PRUNE2: variants seen among roughly 807,000 people sequenced by gnomAD.
PRUNE2 encodes the protein prune homolog 2 with BCH domain, also known as protein prune homolog 2.
Under a neutral mutation model 252.0 loss-of-function variants are expected in PRUNE2, and 164 were observed. The observed-to-expected ratio is 0.65, with a 90% CI of 0.57 to 0.74. The LOEUF is 0.74. PRUNE2 is among the 30% of genes least tolerant of loss of function. The pLI is 0.00. For missense variants in PRUNE2, 3,495 were observed against 3,711.0 expected, an observed-to-expected ratio of 0.94 and a Z score of 1.51; for synonymous variants, 1,292 against 1,350.2, an observed-to-expected ratio of 0.96 and a Z score of 0.94.
Position 76,866,927 on chromosome 9 carries a change from C to A in PRUNE2, c.37-12719G>T, listed in dbSNP as rs11145108. 3.9e-5 allele frequency among the ~76,000 whole-genome samples: 6 copies of A among 152,184 alleles called. No homozygotes were observed. The East Asian group carries it at 7.7e-4, about 20-fold the overall frequency. ...CCCGGTGCTGTGAACAGCCCAGGCCCCTGTGTGCACATTCTTGACAACGGG... is the reference window on the plus strand; with the variant it reads ...CCCGGTGCTGTGAACAGCCCAGGCCACTGTGTGCACATTCTTGACAACGGG... On this transcript the variant is annotated intron_variant, in intron 1 of 18. Transcript: ENST00000376718.
At chr9:76,879,901 ATATTTTTTTTTTTTT>A (rs1399234496) in intron 1 of PRUNE2, among the ~76,000 whole-genome samples, 1 of 60,328 alleles carries the variant, frequency 1.7e-5, no homozygotes, top group Non-Finnish European at 2.7e-5. Flanking sequence ...ATATATATAT[ATATTTTTTTTTTTTT>A]TTTTTTTTTT....
chr9:76,637,508 T>C lies in PRUNE2; in HGVS notation c.8873A>G (p.Tyr2958Cys), dbSNP rs1400934512. ...TGCACCATTCAAGTACACAATCATATAGTCTTCAGCTACCATCAACTCTAA... is the reference window on the plus strand; with the variant it reads ...TGCACCATTCAAGTACACAATCATACAGTCTTCAGCTACCATCAACTCTAA... ...STLELMVAED[Y>C]MIVYLNGATP... Residue 2958 changes from tyrosine (Y) to cysteine (C), a missense_variant, in exon 14 of 19, where the codon TAT becomes TGT. Coordinates refer to ENST00000376718, the MANE Select transcript of PRUNE2 (RefSeq NM_015225.3). 1 of 1,613,274 alleles carries C rather than the reference T, an allele frequency of 6.2e-7. No homozygotes were observed. Among genetic ancestry groups the C allele is most frequent in the Non-Finnish European group, 8.5e-7 (1 of 1,179,542 alleles).
At chr9:76,772,339 A>T (rs2053200974) in intron 6 of PRUNE2, among the ~76,000 whole-genome samples, 1 of 151,772 alleles carries the variant, frequency 6.6e-6, no homozygotes, top group Admixed American at 6.6e-5. Context: ...ATTTATTTTA[A>T]TTTTTTTTTT....
chr9:76,869,506 C>G lies in PRUNE2; in HGVS notation c.37-15298G>C, dbSNP rs191803161. Among the ~76,000 whole-genome samples, 87 of 151,898 alleles carry G rather than the reference C, an allele frequency of 5.7e-4. 1 individual carries two copies. The highest frequency in any genetic ancestry group is 2.8e-3 in the Admixed American group (42 of 15,266). ...CAAAATATTTTGCAAAATAGAAAACCCTTTTAAAACTAAACAGTATCTGGT... is the reference window on the plus strand; with the variant it reads ...CAAAATATTTTGCAAAATAGAAAACGCTTTTAAAACTAAACAGTATCTGGT... On this transcript the variant is annotated intron_variant, in intron 1 of 18. Transcript: ENST00000376718.
intron 1 of PRUNE2, among the ~76,000 whole-genome samples, chr9:76,880,326 G>C (rs2061705478): frequency 6.6e-6 from 1 of 152,128 alleles, no homozygotes; most frequent in African/African-American, 2.4e-5. Context: ...GACCGCAGGG[G>C]GGTCCCTGGG....
chr9:76,901,739 C>T (rs2133742824), intron 1 of PRUNE2, among the ~76,000 whole-genome samples: 1 of 152,312 alleles, frequency 6.6e-6, no homozygotes, highest in Middle Eastern at 3.4e-3. Flanking sequence ...ATTCAAGTCA[C>T]CTAGAATTTT....
chr9:76,749,227 C>T (rs1257584324), intron 6 of PRUNE2, among the ~76,000 whole-genome samples: 1 of 152,192 alleles, frequency 6.6e-6, no homozygotes, highest in South Asian at 2.1e-4. Context: ...TCAGCTGGTA[C>T]AAAGACCTCA....
intron 11 of PRUNE2, among the ~76,000 whole-genome samples, chr9:76,648,502 T>C (rs1315779814): frequency 1.3e-5 from 2 of 152,178 alleles, no homozygotes; most frequent in African/African-American, 4.8e-5. Flanking sequence ...GAAATGATCT[T>C]TCAAGCCATG....
At position 76,706,022 on chromosome 9, in the gene PRUNE2, A is replaced by G; in HGVS notation, c.6252T>C (p.Gly2084=). The change falls in exon 8 of 19, where the codon GGT becomes GGC. Residue 2084 remains glycine, a synonymous_variant. Transcript: ENST00000376718. The stretch of plus-strand genomic sequence containing the variant: ...AGTGCGTCAGGATATCAGGATTCTC[A>G]CCATCTGCTTTCAAACTGAAGGGCT... ...AKKPFSLKAD[G]ENPDILTHCE... is the part of the protein sequence containing the mutation. 6.2e-7 allele frequency: 1 copy of G among 1,614,026 alleles called. No individual in the cohort carries two copies. The highest frequency in any genetic ancestry group is 1.7e-5 in the Admixed American group (1 of 60,024).
intron 6 of PRUNE2, chr9:76,786,278 G>A (rs918710731): frequency 1.4e-4 from 21 of 152,080 alleles, no homozygotes; most frequent in Admixed American, 6.6e-4. Context: ...ATGCTCATAG[G>A]AGAGAATATA....
At chr9:76,687,656 TAGG>T in intron 9 of PRUNE2, 1 of 423,534 alleles carries the variant, frequency 2.4e-6, no homozygotes, top group Non-Finnish European at 4.8e-6. Flanking sequence ...TTCATTCCGG[TAGG>T]AGTTCAACAA....
chr9:76,628,160 A>AT (rs1835773424), intron 16 of PRUNE2, among the ~76,000 whole-genome samples: 3 of 152,112 alleles, frequency 2.0e-5, no homozygotes, highest in African/African-American at 7.2e-5. Flanking sequence ...ACAAAAAAAA[A>AT]GACACACAGA....
intron 6 of PRUNE2, among the ~76,000 whole-genome samples, chr9:76,780,969 C>T (rs1016955490): frequency 3.3e-5 from 5 of 152,172 alleles, no homozygotes; most frequent in East Asian, 1.9e-4. Flanking sequence ...TTTTATGCTA[C>T]GTACCTGAGA....
chr9:76,881,546 A>G (rs1381303031), intron 1 of PRUNE2, among the ~76,000 whole-genome samples: 1 of 151,952 alleles, frequency 6.6e-6, no homozygotes, highest in Non-Finnish European at 1.5e-5. Context: ...AAGACACCCT[A>G]TACATATTCT....
intron 1 of PRUNE2, among the ~76,000 whole-genome samples, chr9:76,901,048 A>C (rs1222925148): frequency 2.0e-5 from 3 of 152,048 alleles, no homozygotes; most frequent in Non-Finnish European, 4.4e-5. Context: ...GTCCTCCAAG[A>C]CCCAAGGTGC....
At position 76,799,257 on chromosome 9, in the gene PRUNE2, C is replaced by T. The variant is rs534478334; in HGVS notation, c.756+24375G>A. ...TCCAAAGGCTGAGGCAGGAGAATTGCTTGAACCCAGGAGGTGGAGGTTGCA... is the reference window on the plus strand; with the variant it reads ...TCCAAAGGCTGAGGCAGGAGAATTGTTTGAACCCAGGAGGTGGAGGTTGCA... On this transcript the variant is annotated intron_variant, in intron 6 of 18. Transcript: ENST00000376718. Among the ~76,000 whole-genome samples, 251 of 151,198 alleles carry T rather than the reference C, an allele frequency of 1.7e-3. 1 individual carries two copies. The highest frequency in any genetic ancestry group is 4.3e-3 in the Admixed American group (65 of 15,156).
intron 4 of PRUNE2, among the ~76,000 whole-genome samples, chr9:76,827,443 C>T (rs2058410010): frequency 6.6e-6 from 1 of 152,178 alleles, no homozygotes; most frequent in Non-Finnish European, 1.5e-5. Context: ...GGAGTTAGCA[C>T]CCCATACGTA....
chr9:76,708,494 T>A lies in PRUNE2; in HGVS notation c.3780A>T (p.Lys1260Asn). Residue 1260 changes from lysine (K) to asparagine (N), a missense_variant, in exon 8 of 19, where the codon AAA becomes AAT. By Grantham distance (94) the Lys-to-Asn change is moderately conservative. Transcript: ENST00000376718. Reference sequence around the variant, plus strand: ...CTGGCGCATCTGGGGAATGAGTGTCTTTAACATTTGCTGAATGGCTGGGGA... The same window carrying A: ...CTGGCGCATCTGGGGAATGAGTGTCATTAACATTTGCTGAATGGCTGGGGA... ...PEIPSHSANV[K>N]DTHSPDAPAA... 1 of 1,613,954 alleles carries A rather than the reference T, an allele frequency of 6.2e-7. No homozygotes were observed. Among genetic ancestry groups the A allele is most frequent in the Non-Finnish European group, 8.5e-7 (1 of 1,179,888 alleles).
At chr9:76,755,038 C>T (rs796509372) in intron 6 of PRUNE2, among the ~76,000 whole-genome samples, 33 of 150,182 alleles carry the variant, frequency 2.2e-4, no homozygotes, top group African/African-American at 7.6e-4. Context: ...GGTTCCTTAT[C>T]GCTCTTTTTA....
Sources: gnomAD v4.1 joint callset for allele counts (sites outside exome capture counted in the v4.1 genomes callset) on GRCh38, gnomAD v4.1.1 for gene constraint, MANE v1.5 for transcripts, NCBI Gene and HGNC (gene_info 2026-07-23, HGNC 2026-07-21) for gene names.